The following MAP3K13 variants were observed in gnomAD, a reference collection of about 807,000 sequenced individuals.
The protein encoded by MAP3K13 is mitogen-activated protein kinase kinase kinase 13.
In MAP3K13, 52 loss-of-function variants were observed where a neutral mutation model predicts 104.0. That is an observed-to-expected ratio of 0.50 (90% CI 0.40 to 0.63). MAP3K13 has a LOEUF of 0.63. Among genes scored for constraint, MAP3K13 ranks in the 20% least tolerant of loss-of-function variants. MAP3K13 has a pLI of 0.00. For synonymous variants in MAP3K13, 394 were observed against 442.2 expected (o/e 0.89, Z 1.37); for missense variants, 914 against 1,218.5 (o/e 0.75, Z 3.72).
upstream of MAP3K13, among the ~76,000 whole-genome samples, chr3:185,362,462 A>G (rs1723667451): frequency 6.6e-6 from 1 of 152,174 alleles, no homozygotes; most frequent in Non-Finnish European, 1.5e-5. Context: ...CCAATGAGGA[A>G]ACACTGTACC....
At chr3:185,288,070 C>T (rs1290659677) in intron 2 of MAP3K13, among the ~76,000 whole-genome samples, 1 of 152,084 alleles carries the variant, frequency 6.6e-6, no homozygotes, top group East Asian at 1.9e-4. Flanking sequence ...TGCTTTGTTT[C>T]CTAATGTCCT....
intron 2 of MAP3K13, among the ~76,000 whole-genome samples, chr3:185,328,097 T>C (rs1722106054): frequency 6.6e-6 from 1 of 152,144 alleles, no homozygotes. Flanking sequence ...TATCATATTT[T>C]ATCTTGCAAA....
chr3:185,367,302 A>C (rs1211061933), intron 1 of MAP3K13, among the ~76,000 whole-genome samples: 1 of 152,190 alleles, frequency 6.6e-6, no homozygotes, highest in Non-Finnish European at 1.5e-5. Context: ...CCCAGTGATG[A>C]TGTATTTTTA....
chr3:185,292,057 C>A, intron 2 of MAP3K13: 1 of 949,192 alleles, frequency 1.1e-6, no homozygotes, highest in Non-Finnish European at 1.3e-6. Context: ...GTAATCCCAG[C>A]ACTTTGGGAG....
At chr3:185,285,776 G>C in intron 2 of MAP3K13, 1 of 669,160 alleles carries the variant, frequency 1.5e-6, no homozygotes, top group Non-Finnish European at 2.4e-6. Flanking sequence ...CTTCCAAAGA[G>C]AGGTTTGTTT....
At chr3:185,417,900 C>T in intron 1 of MAP3K13, 1 of 1,604,040 alleles carries the variant, frequency 6.2e-7, no homozygotes, top group Non-Finnish European at 8.5e-7. Flanking sequence ...CTGGGCTTTT[C>T]AAGATTCTGC....
At chr3:185,393,937 T>C (rs1438211393) in intron 1 of MAP3K13, among the ~76,000 whole-genome samples, 1 of 152,072 alleles carries the variant, frequency 6.6e-6, no homozygotes, top group African/African-American at 2.4e-5. Context: ...TTTTGGTGAT[T>C]AATTGGATGT....
intron 4 of MAP3K13, among the ~76,000 whole-genome samples, chr3:185,445,210 T>G (rs1715530664): frequency 6.6e-6 from 1 of 152,174 alleles, no homozygotes; most frequent in African/African-American, 2.4e-5. Flanking sequence ...ACCTAGAATT[T>G]CTGAACCAAA....
chr3:185,438,374 G>A (rs1577559028), intron 3 of MAP3K13, among the ~76,000 whole-genome samples: 2 of 152,108 alleles, frequency 1.3e-5, no homozygotes, highest in South Asian at 4.1e-4. Flanking sequence ...ATCAATCCTT[G>A]TGTAGTAGAT....
At chr3:185,295,409 G>A (rs990636862) in intron 2 of MAP3K13, among the ~76,000 whole-genome samples, 1 of 152,028 alleles carries the variant, frequency 6.6e-6, no homozygotes, top group Non-Finnish European at 1.5e-5. Context: ...TTCACCATGT[G>A]GGCCAGGCTG....
chr3:185,369,695 G>A (rs564093622), intron 1 of MAP3K13, among the ~76,000 whole-genome samples: 1 of 152,264 alleles, frequency 6.6e-6, no homozygotes, highest in East Asian at 1.9e-4. Flanking sequence ...AATTTCTTTT[G>A]CTTTTAAAAA....
At chr3:185,465,949 C>T (rs1717391584) in intron 9 of MAP3K13, 86 bp downstream of exon 9, 2 of 937,612 alleles carry the variant, frequency 2.1e-6, no homozygotes, top group Admixed American at 1.7e-5. Context: ...TGCTGCTACT[C>T]AGAACTGGCA....
chr3:185,439,084 G>C (rs1482993346), intron 3 of MAP3K13, among the ~76,000 whole-genome samples: 1 of 152,062 alleles, frequency 6.6e-6, no homozygotes, highest in Non-Finnish European at 1.5e-5. Context: ...GTAAATCTTG[G>C]GTACAGGTTT....
intron 1 of MAP3K13, among the ~76,000 whole-genome samples, chr3:185,376,195 G>A (rs1724421793): frequency 1.3e-5 from 2 of 152,152 alleles, no homozygotes; most frequent in Admixed American, 6.5e-5. Flanking sequence ...AATAATGTGT[G>A]AGGCTGGAAT....
At chr3:185,416,751 A>G (rs534499606) in intron 1 of MAP3K13, among the ~76,000 whole-genome samples, 24 of 151,410 alleles carry the variant, frequency 1.6e-4, no homozygotes, top group African/African-American at 5.8e-4. Flanking sequence ...CCTAGTAAGT[A>G]GTTGGGCCTA....
intron 2 of MAP3K13, among the ~76,000 whole-genome samples, chr3:185,310,824 C>T (rs1721472053): frequency 6.6e-6 from 1 of 152,180 alleles, no homozygotes; most frequent in South Asian, 2.1e-4. Flanking sequence ...GAGTCAATAC[C>T]TGCCACTATG....
intron 7 of MAP3K13, among the ~76,000 whole-genome samples, chr3:185,454,920 G>GAT (rs1224652107): frequency 2.5e-5 from 1 of 40,206 alleles, no homozygotes; most frequent in African/African-American, 8.7e-5. Context: ...ATATATATGA[G>GAT]ATATATATAT....
chr3:185,327,200 C>T (rs1045786384), intron 2 of MAP3K13, among the ~76,000 whole-genome samples: 26 of 152,120 alleles, frequency 1.7e-4, no homozygotes, highest in African/African-American at 5.8e-4. Flanking sequence ...TCGAAGCCAG[C>T]GAGAGCTAGT....
At chr3:185,308,828 A>G (rs1484621798) in intron 2 of MAP3K13, among the ~76,000 whole-genome samples, 4 of 152,160 alleles carry the variant, frequency 2.6e-5, no homozygotes, top group African/African-American at 9.7e-5. Context: ...GGGAAGGCCT[A>G]TTATGGGTGA....
Sources: allele counts gnomAD v4.1 joint callset (sites outside exome capture counted in the v4.1 genomes callset), GRCh38; gene constraint gnomAD v4.1.1; transcripts MANE v1.5; gene names NCBI Gene and HGNC (gene_info 2026-07-23, HGNC 2026-07-21).